The following CRYZ variants were observed in gnomAD, a reference collection of about 807,000 sequenced individuals.
CRYZ encodes the protein zeta-crystallin.
In CRYZ, 35 loss-of-function variants were observed where a neutral mutation model predicts 34.1. That is an observed-to-expected ratio of 1.03 (90% confidence interval 0.78 to 1.36). The LOEUF (loss-of-function observed/expected upper bound fraction) is 1.36. Among genes scored for constraint, CRYZ ranks in the 40% most tolerant of loss-of-function variants. The pLI, the probability that CRYZ is intolerant of heterozygous loss-of-function variation, is 0.00. For missense variants in CRYZ, 403 were observed against 391.8 expected, an observed-to-expected ratio of 1.03 and a Z score of -0.24; for synonymous variants, 137 against 136.5, an observed-to-expected ratio of 1.00 and a Z score of -0.03.
chr1:74,726,656 G>T (rs150243503), intron 1 of CRYZ, among the ~76,000 whole-genome samples: 4 of 152,178 alleles, frequency 2.6e-5, no homozygotes, highest in Admixed American at 2.6e-4. Context: ...AGTTTCTGCG[G>T]CTGGCTTGAA....
rs374694701 is a variant in CRYZ, at chr1:74,706,388, C to T, written c.898G>A (p.Gly300Ser). 5 of 1,612,460 alleles carry T rather than the reference C, an allele frequency of 3.1e-6. No individual in the cohort carries two copies. The highest frequency in any genetic ancestry group is 2.2e-5 in the East Asian group (1 of 44,848). ...ACCTTCTCCAATGGATATTGAGAAC[C>T]TATCACAGGTTTCAACCAGCCAATT... ...MEIGWLKPVI[G>S]SQYPLEKVAE... Residue 300 changes from glycine (G) to serine (S), a missense_variant, in exon 9 of 9, where the codon GGT (glycine) becomes AGT (serine). Physicochemically the swap from Gly to Ser is moderately conservative, Grantham distance 56. Coordinates refer to ENST00000340866, the MANE Select transcript of CRYZ (RefSeq NM_001889.4).
chr1:74,707,180 C>A lies in CRYZ; in HGVS notation c.655G>T (p.Asp219Tyr), dbSNP rs1453802181. ...IKKYVGEKGI[D>Y]IIIEMLANVN... ...TTAGCTAACATTTCAATAATTATAT[C>A]AATTCCTTTCTCACCAACATACTTC... Residue 219 changes from aspartate to tyrosine, a missense_variant, in exon 7 of 9, where the codon GAT becomes TAT. Asp to Tyr is a radical substitution (Grantham distance 160, BLOSUM62 -3). Transcript: ENST00000340866. The A allele has an allele frequency of 3.2e-6, 5 of 1,564,714 alleles. No homozygotes were observed. The highest frequency in any genetic ancestry group is 1.7e-4 in the Middle Eastern group (1 of 5,952).
chr1:74,727,642 C>T (rs1372763728), intron 1 of CRYZ, among the ~76,000 whole-genome samples: 2 of 52,194 alleles, frequency 3.8e-5, no homozygotes, highest in Non-Finnish European at 5.7e-5. Context: ...GAGACTCTGT[C>T]TCAAAAAAAA....
intron 1 of CRYZ, among the ~76,000 whole-genome samples, chr1:74,725,833 T>C (rs994786411): frequency 6.6e-6 from 1 of 152,192 alleles, no homozygotes; most frequent in African/African-American, 2.4e-5. Context: ...AATACAGCCA[T>C]TCCAAATGGG....
chr1:74,723,990 G>T (rs553346805), intron 2 of CRYZ, among the ~76,000 whole-genome samples: 2 of 152,234 alleles, frequency 1.3e-5, no homozygotes, highest in East Asian at 3.9e-4. Flanking sequence ...TTTAGTTAGG[G>T]TTTAAAAGAT....
At position 74,714,649 on chromosome 1, in the gene CRYZ, G is replaced by A. The variant is rs149676618; in HGVS notation, c.429-19C>T. On this transcript the variant is annotated intron_variant, in intron 4 of 8. Coordinates refer to ENST00000340866, the MANE Select transcript of CRYZ (RefSeq NM_001889.4). ...ACAGGCACTGCAAAGGAAAGCATAA[G>A]TTACATCACCTTATTTTTTGAAGCT... The A allele has an allele frequency of 1.5e-3, 2,487 of 1,612,856 alleles. 40 individuals carry two copies. In the African/African-American group the frequency reaches 0.03, roughly 19 times the overall value.
chr1:74,723,377 A>C, intron 2 of CRYZ, 107 bp from the exon 3 acceptor site: 1 of 1,030,946 alleles, frequency 9.7e-7, no homozygotes, highest in Non-Finnish European at 1.4e-6. Context: ...AGACAAAAGC[A>C]AAACAAATAA....
chr1:74,716,096 C>T (rs1647069161), intron 4 of CRYZ, among the ~76,000 whole-genome samples: 1 of 151,948 alleles, frequency 6.6e-6, no homozygotes, highest in Non-Finnish European at 1.5e-5. Flanking sequence ...GCACCTCTTC[C>T]TTGTGTCTCC....
At chr1:74,712,785 G>C (rs1647022605) in intron 5 of CRYZ, among the ~76,000 whole-genome samples, 1 of 152,098 alleles carries the variant, frequency 6.6e-6, no homozygotes, top group African/African-American at 2.4e-5. Context: ...ATCTCCTTGT[G>C]TTCTAACTGC....
At chr1:74,726,567 G>A (rs1371706097) in intron 1 of CRYZ, among the ~76,000 whole-genome samples, 3 of 152,148 alleles carry the variant, frequency 2.0e-5, no homozygotes, top group Non-Finnish European at 2.9e-5. Flanking sequence ...CTGCCGCAAA[G>A]GCCTCTGACA....
chr1:74,712,602 T>G (rs989908102), intron 5 of CRYZ, among the ~76,000 whole-genome samples: 42 of 151,958 alleles, frequency 2.8e-4, no homozygotes, highest in African/African-American at 9.9e-4. Flanking sequence ...AGGAATTTGT[T>G]TAACTGAAAC....
At chr1:74,732,241 C>T (rs1400920124) in intron 1 of CRYZ, among the ~76,000 whole-genome samples, 1 of 142,144 alleles carries the variant, frequency 7.0e-6, no homozygotes, top group Non-Finnish European at 1.5e-5. Flanking sequence ...GAAATCAAAT[C>T]CCCTACAGCT....
intron 1 of CRYZ, among the ~76,000 whole-genome samples, chr1:74,730,963 C>A (rs1647690386): frequency 6.6e-6 from 1 of 152,108 alleles, no homozygotes; most frequent in South Asian, 2.1e-4. Context: ...GGACATGATT[C>A]TATTTTTAAA....
chr1:74,724,842 AG>A lies in CRYZ; in HGVS notation c.-13-9del. On this transcript the variant is annotated splice_polypyrimidine_tract_variant and intron_variant, in intron 1 of 8. Transcript: ENST00000340866. ...GCCATGGTGATCTAGATACTAAGGAAGAAAAAAAATTAATGTATTGTCACAT... is the reference window on the plus strand; with the variant it reads ...GCCATGGTGATCTAGATACTAAGGAAAAAAAAAATTAATGTATTGTCACAT... The A allele has an allele frequency of 6.6e-7, 1 of 1,506,822 alleles. No homozygotes were observed. The highest frequency in any genetic ancestry group is 9.2e-7 in the Non-Finnish European group (1 of 1,089,450). 93.3% of individuals were successfully genotyped at this position (1,506,822 alleles called of 1,614,324 possible).
chr1:74,722,374 T>C (rs79472622), intron 3 of CRYZ, among the ~76,000 whole-genome samples: 1,551 of 152,200 alleles, frequency 0.01, 38 homozygotes, highest in African/African-American at 0.035. Flanking sequence ...ATTAGTGACA[T>C]TAGCAAGAAT....
chr1:74,706,574 G>A, intron 8 of CRYZ, 117 bp from the exon 9 acceptor site: 1 of 965,524 alleles, frequency 1.0e-6, no homozygotes, highest in East Asian at 2.6e-5. Context: ...TTACAAATGT[G>A]TGACTTTTGT....
At chr1:74,714,871 T>C (rs1206288195) in intron 4 of CRYZ, among the ~76,000 whole-genome samples, 1 of 152,200 alleles carries the variant, frequency 6.6e-6, no homozygotes, top group African/African-American at 2.4e-5. Flanking sequence ...ACTATGCTGC[T>C]GGACACTGGG....
chr1:74,719,374 T>C lies in CRYZ; in HGVS notation c.265-2A>G, dbSNP rs1647123868. The stretch of plus-strand genomic sequence containing the variant: ...GCTAGTGAAAACTCTGTCACCTTTC[T>C]AGGGGAAGAGATAAATGAATAAATG... On this transcript the variant is annotated splice_acceptor_variant, in intron 3 of 8. Coordinates refer to ENST00000340866, the MANE Select transcript of CRYZ (RefSeq NM_001889.4). LOFTEE classifies it high-confidence loss of function. 1 of 1,606,874 alleles carries C rather than the reference T, an allele frequency of 6.2e-7. No homozygotes were observed. The highest frequency in any genetic ancestry group is 1.7e-5 in the Admixed American group (1 of 59,524).
In CRYZ at chr1:74,732,597, CGGGGGGGG is replaced by C. The variant is rs56898084; in HGVS notation, c.-14+351_-14+358del. ...AGGGAAAAATCAAGCGGGTGACTGG[CGGGGGGGG>C]GGGGGGGGGGTGCAGCGTGGGGCTG... On this transcript the variant is annotated intron_variant, in intron 1 of 8. Coordinates refer to ENST00000340866, the MANE Select transcript of CRYZ (RefSeq NM_001889.4). Among the ~76,000 whole-genome samples the C allele has an allele frequency of 2.3e-4, 12 of 52,692 alleles. 1 individual carries two copies. Among genetic ancestry groups the C allele is most frequent in the African/African-American group, 2.6e-4 (4 of 15,460 alleles). 34.6% of individuals were successfully genotyped at this position (52,692 alleles called of 152,430 possible). A position where few individuals can be genotyped will look rare whatever the true frequency, so the allele number is the denominator to read the frequency against.
Sources: gnomAD v4.1 joint callset for allele counts (sites outside exome capture counted in the v4.1 genomes callset) on GRCh38, gnomAD v4.1.1 for gene constraint, MANE v1.5 for transcripts, NCBI Gene and HGNC (gene_info 2026-07-23, HGNC 2026-07-21) for gene names.